CAMTA1: variants seen among roughly 807,000 people sequenced by gnomAD.
CAMTA1 encodes calmodulin-binding transcription activator 1.
In CAMTA1, 27 loss-of-function variants were observed where a neutral mutation model predicts 170.9. The ratio of observed to expected loss-of-function variants is 0.16; its 90% CI spans 0.12 to 0.22. The LOEUF is 0.22. Ranked by LOEUF, CAMTA1 falls within the 10% of genes least tolerant of loss-of-function variation. The pLI, the probability that CAMTA1 is intolerant of heterozygous loss-of-function variation, is 1.00. For synonymous variants in CAMTA1, 833 were observed against 891.5 expected (o/e 0.93, Z 1.17); for missense variants, 1,619 against 2,217.2 (o/e 0.73, Z 5.42).
At chr1:7,126,582 G>C (rs1198614355) in intron 4 of CAMTA1, among the ~76,000 whole-genome samples, 1 of 152,116 alleles carries the variant, frequency 6.6e-6, no homozygotes, top group Non-Finnish European at 1.5e-5. Flanking sequence ...AAAAATACAA[G>C]GGTTCCTATT....
chr1:7,200,396 C>T (rs1449921002), intron 4 of CAMTA1, among the ~76,000 whole-genome samples: 2 of 152,120 alleles, frequency 1.3e-5, no homozygotes, highest in African/African-American at 4.8e-5. Context: ...TATCCTCATC[C>T]CTTACAGAAA....
intron 4 of CAMTA1, among the ~76,000 whole-genome samples, chr1:7,124,550 G>T (rs771645925): frequency 4.6e-5 from 7 of 152,256 alleles, no homozygotes; most frequent in Non-Finnish European, 2.9e-5. Flanking sequence ...TCTGCCCCTC[G>T]CTTGACTATA....
chr1:6,869,760 C>T lies in CAMTA1; in HGVS notation c.234+44550C>T, dbSNP rs1038405119. Among the ~76,000 whole-genome samples the T allele has an allele frequency of 5.9e-5, 9 of 152,228 alleles. No individual in the cohort carries two copies. The Middle Eastern group carries it at 0.01, about 173-fold the overall frequency. ...AGAACCACTAAGTATTTAGGTGAGG[C>T]GATTGATTTCATTCCCACGTGGGAA... is the stretch of plus-strand genomic sequence containing the variant. On this transcript the variant is annotated intron_variant, in intron 3 of 22. Transcript: ENST00000303635.
intron 5 of CAMTA1, among the ~76,000 whole-genome samples, chr1:7,377,347 A>G (rs1430351239): frequency 6.6e-6 from 1 of 152,194 alleles, no homozygotes; most frequent in Non-Finnish European, 1.5e-5. Context: ...GCATGGCTCA[A>G]CCAAGAGTCC....
At chr1:7,417,528 C>T (rs1372930339) in intron 5 of CAMTA1, among the ~76,000 whole-genome samples, 2 of 152,218 alleles carry the variant, frequency 1.3e-5, no homozygotes, top group African/African-American at 4.8e-5. Flanking sequence ...TCTCAGACTG[C>T]TGTGCTAGCA....
chr1:7,060,292 A>G (rs1176835199), intron 3 of CAMTA1, among the ~76,000 whole-genome samples: 1 of 152,214 alleles, frequency 6.6e-6, no homozygotes, highest in Non-Finnish European at 1.5e-5. Flanking sequence ...CTTGGCCTGC[A>G]GACGGTGTCT....
chr1:7,766,079 C>T (rs1369869518), intron 22 of CAMTA1, among the ~76,000 whole-genome samples: 1 of 150,020 alleles, frequency 6.7e-6, no homozygotes, highest in Non-Finnish European at 1.5e-5. Flanking sequence ...CCCTAATTTA[C>T]ATCATACAGA....
Position 7,044,071 on chromosome 1 carries a change from G to A in CAMTA1, c.235-47233G>A, listed in dbSNP as rs1704946611. On this transcript the variant is annotated intron_variant, in intron 3 of 22. Transcript: ENST00000303635. The surrounding 1 kb of genome is among the most constrained non-coding windows in gnomAD (Gnocchi z 5.0). ...GGGCTGCCAGCGGAGGTCAGGAGCA[G>A]TGATCTACGGGAGATGCTGCCGCCA... Among the ~76,000 whole-genome samples, 1 of 152,248 alleles carries A rather than the reference G, an allele frequency of 6.6e-6. No homozygotes were observed. Among genetic ancestry groups the A allele is most frequent in the Non-Finnish European group, 1.5e-5 (1 of 68,030 alleles).
chr1:7,643,230 G>A (rs2095779144), intron 7 of CAMTA1, among the ~76,000 whole-genome samples: 1 of 152,172 alleles, frequency 6.6e-6, no homozygotes, highest in South Asian at 2.1e-4. Context: ...TAGGTCACTA[G>A]AAGGAATTCC....
At position 7,020,838 on chromosome 1, in the gene CAMTA1, G is replaced by A. The variant is rs573901677; in HGVS notation, c.235-70466G>A. 8.5e-5 allele frequency among the ~76,000 whole-genome samples: 13 copies of A among 152,344 alleles called. No homozygotes were observed. In the South Asian group the frequency reaches 2.3e-3, roughly 27 times the overall value. ...GGAGTTGTTCTACCCTGGAGGGACC[G>A]GAGCTGGGGCTTACTCTCACCAGGG... On this transcript the variant is annotated intron_variant, in intron 3 of 22. Coordinates refer to ENST00000303635, the MANE Select transcript of CAMTA1 (RefSeq NM_015215.4).
Position 7,063,205 on chromosome 1 carries a change from GT to G in CAMTA1, c.235-28097del, listed in dbSNP as rs1708504886. ...GATAACCAGTGCCCGAAAAAATGTG[GT>G]TGTTGAATTTGCTCCCACTTTCTTC... On this transcript the variant is annotated intron_variant, in intron 3 of 22. Transcript: ENST00000303635. The surrounding 1 kb of genome is among the most constrained non-coding windows in gnomAD (Gnocchi z 4.3). 6.6e-6 allele frequency among the ~76,000 whole-genome samples: 1 copy of G among 152,176 alleles called. No individual in the cohort carries two copies. The highest frequency in any genetic ancestry group is 6.5e-5 in the Admixed American group (1 of 15,280).
chr1:6,841,009 T>C (rs756065915), intron 3 of CAMTA1, among the ~76,000 whole-genome samples: 5 of 152,186 alleles, frequency 3.3e-5, no homozygotes, highest in Non-Finnish European at 7.4e-5. Context: ...AGCAGGGCCA[T>C]GTTCTTTATG....
At chr1:7,131,952 G>T (rs1645281725) in intron 4 of CAMTA1, among the ~76,000 whole-genome samples, 1 of 152,012 alleles carries the variant, frequency 6.6e-6, no homozygotes, top group Non-Finnish European at 1.5e-5. Context: ...CTACTCAGGA[G>T]ACTGAGGCAG....
chr1:7,339,596 TTTTTTG>T (rs995864864), intron 5 of CAMTA1, among the ~76,000 whole-genome samples: 13 of 152,030 alleles, frequency 8.6e-5, no homozygotes, highest in South Asian at 6.2e-4. Context: ...TGTTGGTTGT[TTTTTTG>T]TTTTTGTTTT....
intron 1 of CAMTA1, among the ~76,000 whole-genome samples, chr1:6,791,624 A>C (rs138156822): frequency 6.6e-6 from 1 of 152,148 alleles, no homozygotes; most frequent in South Asian, 2.1e-4. Flanking sequence ...TTTGCCTGTT[A>C]TATATAGTAC....
intron 3 of CAMTA1, among the ~76,000 whole-genome samples, chr1:6,960,348 C>T (rs778434240): frequency 7.9e-5 from 12 of 152,212 alleles, no homozygotes; most frequent in Middle Eastern, 3.4e-3. Context: ...GCCTGGGCTC[C>T]AGGGACAGTG....
At chr1:7,340,792 A>G (rs1458613865) in intron 5 of CAMTA1, among the ~76,000 whole-genome samples, 2 of 151,928 alleles carry the variant, frequency 1.3e-5, no homozygotes, top group East Asian at 3.9e-4. Flanking sequence ...ATTCAAAAAC[A>G]TGACTTCAGA....
chr1:6,814,146 A>G (rs1449837977), intron 1 of CAMTA1, among the ~76,000 whole-genome samples: 2 of 151,586 alleles, frequency 1.3e-5, no homozygotes, highest in African/African-American at 4.9e-5. Flanking sequence ...GGAGAAGGAA[A>G]CCTCCTAGAT....
chr1:7,209,223 C>T (rs4908448), intron 4 of CAMTA1, among the ~76,000 whole-genome samples: 73,340 of 152,022 alleles, frequency 0.48, 19,284 homozygotes, highest in South Asian at 0.6. Flanking sequence ...TTCAACCTGC[C>T]GCTGGTGTGA....
Sources: gnomAD v4.1 joint callset for allele counts (sites outside exome capture counted in the v4.1 genomes callset) on GRCh38, gnomAD v4.1.1 for gene constraint, Gnocchi (gnomAD v3.1) non-coding constraint, MANE v1.5 for transcripts, NCBI Gene and HGNC (gene_info 2026-07-23, HGNC 2026-07-21) for gene names.